The following BBOX1 variants were observed in gnomAD, a reference collection of about 807,000 sequenced individuals.
BBOX1 encodes the protein gamma-butyrobetaine hydroxylase 1.
Under a neutral mutation model 41.6 loss-of-function variants are expected in BBOX1, and 35 were observed. That is an observed-to-expected ratio of 0.84 (90% confidence interval 0.64 to 1.11). BBOX1 has a LOEUF of 1.11. BBOX1 is among the 50% of genes most tolerant of loss of function. The probability of loss-of-function intolerance (pLI) is 0.00; values close to 1 mark genes in which losing one functional copy is unlikely to be tolerated. For missense variants in BBOX1, 458 were observed against 460.6 expected, an observed-to-expected ratio of 0.99 and a Z score of 0.05; for synonymous variants, 163 against 154.7, an observed-to-expected ratio of 1.05 and a Z score of -0.40.
intron 4 of BBOX1, among the ~76,000 whole-genome samples, chr11:27,058,980 TAAG>T (rs1243747378): frequency 6.6e-6 from 1 of 152,002 alleles, no homozygotes; most frequent in African/African-American, 2.4e-5. Flanking sequence ...TATTTGTATA[TAAG>T]AAGAAGCCAG....
At chr11:27,045,827 A>G (rs1851471251) in intron 2 of BBOX1, among the ~76,000 whole-genome samples, 1 of 152,132 alleles carries the variant, frequency 6.6e-6, no homozygotes. Flanking sequence ...TCTCAGGTAC[A>G]TATTAATCTA....
chr11:27,063,264 T>G (rs1386718641), intron 4 of BBOX1, among the ~76,000 whole-genome samples: 1 of 152,142 alleles, frequency 6.6e-6, no homozygotes, highest in Non-Finnish European at 1.5e-5. Flanking sequence ...TAAATCATAT[T>G]AGAGACAAGG....
At chr11:27,067,756 A>T (rs1413224918) in intron 4 of BBOX1, among the ~76,000 whole-genome samples, 1 of 151,978 alleles carries the variant, frequency 6.6e-6, no homozygotes, top group Non-Finnish European at 1.5e-5. Flanking sequence ...GCGAGACTCC[A>T]TCTCAAAAAT....
At chr11:27,094,534 T>C (rs1475319815) in intron 5 of BBOX1, among the ~76,000 whole-genome samples, 1 of 151,976 alleles carries the variant, frequency 6.6e-6, no homozygotes, top group Non-Finnish European at 1.5e-5. Context: ...CAACAGAGCC[T>C]AAATCCTTGC....
chr11:27,089,580 G>C (rs976827262), intron 4 of BBOX1, among the ~76,000 whole-genome samples: 1 of 151,986 alleles, frequency 6.6e-6, no homozygotes, highest in Non-Finnish European at 1.5e-5. Context: ...ATTTTCAGCT[G>C]CTATTTAGGC....
At chr11:27,126,504 C>T (rs751441282) in intron 8 of BBOX1, among the ~76,000 whole-genome samples, 1 of 151,998 alleles carries the variant, frequency 6.6e-6, no homozygotes, top group Non-Finnish European at 1.5e-5. Context: ...TTTTTTAAAG[C>T]TTCGGTTTCT....
At chr11:27,107,543 G>A (rs1433267147) in intron 5 of BBOX1, among the ~76,000 whole-genome samples, 3 of 151,916 alleles carry the variant, frequency 2.0e-5, no homozygotes, top group Non-Finnish European at 4.4e-5. Flanking sequence ...AAAATAATCT[G>A]GTCCCATACC....
chr11:27,054,213 G>GTA lies in BBOX1; in HGVS notation c.-38-1179_-38-1178insAT, dbSNP rs1856903428. Among the ~76,000 whole-genome samples, 16 of 149,878 alleles carry GTA rather than the reference G, an allele frequency of 1.1e-4. No homozygotes were observed. The South Asian group carries it at 3.3e-3, about 31-fold the overall frequency. ...GCTGTGTGTGTGTGTGTCTGTGTGT[G>GTA]TGTGTGTGTGTGTGTGTGTGTGCGT... On this transcript the variant is annotated intron_variant, in intron 2 of 8. Transcript: ENST00000263182.
chr11:27,053,848 T>G (rs1455087199), intron 2 of BBOX1, among the ~76,000 whole-genome samples: 1 of 152,156 alleles, frequency 6.6e-6, no homozygotes, highest in Non-Finnish European at 1.5e-5. Context: ...AAGAAAAAAA[T>G]TATAGTTCCA....
chr11:27,103,402 C>T (rs1858738484), intron 5 of BBOX1, among the ~76,000 whole-genome samples: 1 of 151,888 alleles, frequency 6.6e-6, no homozygotes, highest in South Asian at 2.1e-4. Context: ...TTGCTTTGGG[C>T]TTCTTCTTTT....
intron 2 of BBOX1, among the ~76,000 whole-genome samples, chr11:27,045,882 C>T (rs757097900): frequency 6.6e-6 from 1 of 152,152 alleles, no homozygotes; most frequent in Non-Finnish European, 1.5e-5. Context: ...GTTTCTGCAT[C>T]TGCTTCCTGT....
At chr11:27,098,186 T>A (rs758501933) in intron 5 of BBOX1, among the ~76,000 whole-genome samples, 8 of 151,992 alleles carry the variant, frequency 5.3e-5, no homozygotes, top group Non-Finnish European at 7.4e-5. Flanking sequence ...TCACTTGACT[T>A]ACTAACATTT....
At chr11:27,106,046 G>A (rs1858853672) in intron 5 of BBOX1, among the ~76,000 whole-genome samples, 1 of 152,130 alleles carries the variant, frequency 6.6e-6, no homozygotes, top group South Asian at 2.1e-4. Flanking sequence ...AATGCTGAGA[G>A]ATTTTGTCAC....
intron 4 of BBOX1, among the ~76,000 whole-genome samples, chr11:27,071,261 A>G (rs370091793): frequency 7.2e-4 from 109 of 152,126 alleles, no homozygotes; most frequent in African/African-American, 2.6e-3. Flanking sequence ...AGGCACCTGT[A>G]GTCCCAGCTA....
At chr11:27,054,238 T>TGTGTGTGTGTGC (rs1262997248) in intron 2 of BBOX1, among the ~76,000 whole-genome samples, 17 of 139,194 alleles carry the variant, frequency 1.2e-4, no homozygotes, top group African/African-American at 4.4e-4. Context: ...TGTGTGTGCG[T>TGTGTGTGTGTGC]GCACATGTGT....
At chr11:27,119,483 A>G (rs1027098292) in intron 6 of BBOX1, among the ~76,000 whole-genome samples, 166 bp from the exon 7 acceptor site, 116 of 152,092 alleles carry the variant, frequency 7.6e-4, no homozygotes, top group Admixed American at 1.5e-3. Context: ...CAAAAAAAAA[A>G]GTTTATTGGC....
intron 5 of BBOX1, among the ~76,000 whole-genome samples, chr11:27,105,243 A>ATGACTGATG (rs2134071023): frequency 6.6e-6 from 1 of 152,312 alleles, no homozygotes; most frequent in East Asian, 1.9e-4. Context: ...TGGATGGAGA[A>ATGACTGATG]TGACTGATGA....
intron 5 of BBOX1, among the ~76,000 whole-genome samples, chr11:27,095,730 T>C (rs555711369): frequency 6.6e-6 from 1 of 152,128 alleles, no homozygotes; most frequent in East Asian, 1.9e-4. Context: ...AACAGTTTTG[T>C]TGTTTTTGTT....
chr11:27,062,628 G>A (rs541009895), intron 4 of BBOX1, among the ~76,000 whole-genome samples: 11 of 151,330 alleles, frequency 7.3e-5, no homozygotes, highest in Non-Finnish European at 1.3e-4. Context: ...GAGCGATCTC[G>A]GCTCACTGCA....
Sources: allele counts gnomAD v4.1 joint callset (sites outside exome capture counted in the v4.1 genomes callset), GRCh38; gene constraint gnomAD v4.1.1; transcripts MANE v1.5; gene names NCBI Gene and HGNC (gene_info 2026-07-23, HGNC 2026-07-21).